NR2C1: variants seen among roughly 807,000 people sequenced by gnomAD.
NR2C1 encodes TR2 nuclear hormone receptor.
NR2C1 carries 33 observed loss-of-function variants against 74.8 expected under a neutral mutation model. That is an observed-to-expected ratio of 0.44 (90% CI 0.33 to 0.59). NR2C1 has a LOEUF of 0.59. Among genes scored for constraint, NR2C1 ranks in the 20% least tolerant of loss-of-function variants. The pLI is 0.02. For synonymous variants in NR2C1, 225 were observed against 240.6 expected (o/e 0.94, Z 0.60); for missense variants, 568 against 715.6 (o/e 0.79, Z 2.35).
chr12:95,062,564 C>A lies in NR2C1; in HGVS notation c.229G>T (p.Ala77Ser). The change falls in exon 3 of 14, where the codon GCA becomes TCA. Residue 77 changes from alanine to serine, a missense_variant. Around this residue, in one of 6 missense-constraint regions of NR2C1, gnomAD observed 128 missense variants for 118.9 expected, o/e 1.08. Coordinates refer to ENST00000333003, the MANE Select transcript of NR2C1 (RefSeq NM_003297.4). ...GTAAAAAATAACTGGTTGACACCTG[C>A]TGCATCTGGAGTTGTAAGGAAAACT... ...GKVFLTTPDA[A>S]GVNQLFFTTP... 1 of 1,613,726 alleles carries A rather than the reference C, an allele frequency of 6.2e-7. No individual in the cohort carries two copies. The highest frequency in any genetic ancestry group is 8.5e-7 in the Non-Finnish European group (1 of 1,179,792).
intron 11 of NR2C1, 73 bp from the exon 12 acceptor site, chr12:95,028,597 C>T: frequency 1.7e-6 from 2 of 1,162,872 alleles, no homozygotes; most frequent in Non-Finnish European, 2.5e-6. Flanking sequence ...AATATATTTC[C>T]CTCTCAGGAA....
At chr12:95,053,104 C>A (rs1479075552) in intron 7 of NR2C1, among the ~76,000 whole-genome samples, 2 of 151,972 alleles carry the variant, frequency 1.3e-5, no homozygotes, top group African/African-American at 4.8e-5. Flanking sequence ...CCACCTCAGC[C>A]TCCTGACTAC....
Position 95,057,877 on chromosome 12 carries a change from A to G in NR2C1, c.546T>C (p.Ser182=). ...CAATGGGTTTTCTTTCACATTGGAC[A>G]GCTACAAAAATGTGTTAAACTATTA... The part of the protein sequence containing the change: ...RCIAFGMKQD[S]VQCERKPIEV... Residue 182 remains serine (S), a splice_region_variant and synonymous_variant, in exon 6 of 14, where the codon TCT becomes TCC. Transcript: ENST00000333003. 1.2e-6 allele frequency: 2 copies of G among 1,611,572 alleles called. No homozygotes were observed. Among genetic ancestry groups the G allele is most frequent in the Non-Finnish European group, 1.7e-6 (2 of 1,178,292 alleles).
In NR2C1 at chr12:95,042,219, C is replaced by CTT. The variant is rs1212588554; in HGVS notation, c.1132-1624_1132-1623dup. ...GCTTTCATCAGATTCTCAAAGGTAT[C>CTT]TTTTTTTTTTTTTTTTTTTTGAGAT... On this transcript the variant is annotated intron_variant, in intron 9 of 13. Coordinates refer to ENST00000333003, the MANE Select transcript of NR2C1 (RefSeq NM_003297.4). 7.0e-3 allele frequency among the ~76,000 whole-genome samples: 884 copies of CTT among 125,838 alleles called. 20 individuals are homozygous for CTT. Among genetic ancestry groups the CTT allele is most frequent in the African/African-American group, 0.024 (789 of 33,466 alleles). 82.6% of individuals were successfully genotyped at this position (125,838 alleles called of 152,430 possible).
chr12:95,031,341 C>T lies in NR2C1; in HGVS notation c.1393+8G>A. Reference sequence around the variant, plus strand: ...CAACCTGGAAAAGGTAAGGAAGGTGCTTTTTACCTTGTTGAAGACTATTGT... The same window carrying T: ...CAACCTGGAAAAGGTAAGGAAGGTGTTTTTTACCTTGTTGAAGACTATTGT... On this transcript the variant is annotated splice_region_variant and intron_variant, in intron 11 of 13. Transcript: ENST00000333003. The T allele has an allele frequency of 1.3e-6, 2 of 1,574,138 alleles. No individual in the cohort carries two copies. The highest frequency in any genetic ancestry group is 1.7e-6 in the Non-Finnish European group (2 of 1,164,304).
chr12:95,020,250 T>A lies in NR2C1; in HGVS notation c.*1979A>T, dbSNP rs959036313. ...TCACTGAAAAGGAAAATGAATAATA[T>A]ATTTACAAATATACTGGTAAGACAC... is the stretch of plus-strand genomic sequence containing the variant. On this transcript the variant is annotated 3_prime_UTR_variant, in exon 14 of 14. Coordinates refer to ENST00000333003, the MANE Select transcript of NR2C1 (RefSeq NM_003297.4). 1 of 152,208 alleles carries A rather than the reference T, an allele frequency of 6.6e-6. No homozygotes were observed. Among genetic ancestry groups the A allele is most frequent in the Admixed American group, 6.5e-5 (1 of 15,276 alleles). The allele number at this position is 152,208 out of a possible 1,614,324, so 9.4% of individuals were successfully genotyped here.
intron 11 of NR2C1, among the ~76,000 whole-genome samples, chr12:95,029,695 T>C (rs571025203): frequency 3.3e-5 from 5 of 151,906 alleles, no homozygotes; most frequent in African/African-American, 1.2e-4. Flanking sequence ...TAGCTGGGAT[T>C]ACAGGCGCTT....
At position 95,057,777 on chromosome 12, in the gene NR2C1, G is replaced by T; in HGVS notation, c.646C>A (p.Pro216Thr). The stretch of plus-strand genomic sequence containing the variant: ...ACAAAAGTTGGAGTTGCAGTTAATG[G>T]GCTACGAAGGTCCTTTCGGATATAG... ...KIYIRKDLRS[P>T]LTATPTFVTD... The change falls in exon 6 of 14, where the codon CCA becomes ACA. Residue 216 changes from proline (P) to threonine (T), a missense_variant. Pro to Thr is a conservative substitution (Grantham distance 38, BLOSUM62 -1). Transcript: ENST00000333003. 1 of 1,614,104 alleles carries T rather than the reference G, an allele frequency of 6.2e-7. No homozygotes were observed. The highest frequency in any genetic ancestry group is 8.5e-7 in the Non-Finnish European group (1 of 1,179,998).
intron 12 of NR2C1, 37 bp downstream of exon 12, chr12:95,028,350 A>G: frequency 1.3e-6 from 2 of 1,563,134 alleles, no homozygotes; most frequent in South Asian, 1.2e-5. Flanking sequence ...ACATCGTGAA[A>G]CATTTTATTT....
chr12:95,032,993 G>A (rs1219823584), intron 10 of NR2C1, among the ~76,000 whole-genome samples: 1 of 151,902 alleles, frequency 6.6e-6, no homozygotes, highest in African/African-American at 2.4e-5. Context: ...AATTAACTGG[G>A]TGCTGTGGCA....
chr12:95,029,251 T>C (rs955607138), intron 11 of NR2C1, among the ~76,000 whole-genome samples: 4 of 151,674 alleles, frequency 2.6e-5, no homozygotes, highest in Non-Finnish European at 5.9e-5. Context: ...ATGGCTAAAT[T>C]TTGTATTTTA....
In NR2C1 at chr12:95,066,686, C is replaced by T. The variant is rs572195825; in HGVS notation, c.54+645G>A. The stretch of plus-strand genomic sequence containing the variant: ...TTTTGTAACATTATACACTGGTCAT[C>T]CGGAAAGCAATGATTCATTGAGTTA... On this transcript the variant is annotated intron_variant, in intron 2 of 13. Transcript: ENST00000333003. 5.3e-5 allele frequency among the ~76,000 whole-genome samples: 8 copies of T among 152,216 alleles called. No homozygotes were observed. The South Asian group carries it at 1.7e-3, about 32-fold the overall frequency.
intron 2 of NR2C1, chr12:95,066,785 A>G (rs1875771929): frequency 6.5e-6 from 1 of 153,038 alleles, no homozygotes; most frequent in Admixed American, 6.5e-5. Context: ...AGAAAATTCC[A>G]TTGTATACCT....
chr12:95,033,869 G>A (rs966572174), intron 10 of NR2C1, among the ~76,000 whole-genome samples: 1 of 152,184 alleles, frequency 6.6e-6, no homozygotes, highest in Admixed American at 6.5e-5. Flanking sequence ...GATGAAAAGA[G>A]CTGTGGGCCC....
chr12:95,055,952 CAAAAAAAAA>C (rs3048563), intron 7 of NR2C1, among the ~76,000 whole-genome samples: 3 of 56,512 alleles, frequency 5.3e-5, no homozygotes, highest in South Asian at 6.9e-4. Context: ...GACTCCGTCT[CAAAAAAAAA>C]AAAAAAAAAA....
chr12:95,068,129 C>T (rs1876010575), intron 1 of NR2C1, among the ~76,000 whole-genome samples: 1 of 152,088 alleles, frequency 6.6e-6, no homozygotes, highest in Non-Finnish European at 1.5e-5. Flanking sequence ...CTGCCTGCCT[C>T]GGCCTCCCAA....
chr12:95,047,345 CAT>C (rs1872439229), intron 9 of NR2C1, among the ~76,000 whole-genome samples: 2 of 152,096 alleles, frequency 1.3e-5, no homozygotes, highest in Non-Finnish European at 2.9e-5. Context: ...TTATAGCACT[CAT>C]AAAAAATTTT....
chr12:95,066,596 C>A (rs1367095042), intron 2 of NR2C1, among the ~76,000 whole-genome samples: 1 of 152,158 alleles, frequency 6.6e-6, no homozygotes, highest in East Asian at 1.9e-4. Context: ...AATGTAGAGT[C>A]ATAAACTATA....
intron 2 of NR2C1, among the ~76,000 whole-genome samples, chr12:95,063,536 G>A (rs1433366959): frequency 6.6e-6 from 1 of 152,056 alleles, no homozygotes; most frequent in Non-Finnish European, 1.5e-5. Flanking sequence ...GGAGTGACAG[G>A]ATTTTATTTT....
Sources: allele counts gnomAD v4.1 joint callset (sites outside exome capture counted in the v4.1 genomes callset), GRCh38; gene constraint gnomAD v4.1.1; regional missense constraint gnomAD v4.1.1; transcripts MANE v1.5; gene names NCBI Gene and HGNC (gene_info 2026-07-23, HGNC 2026-07-21).